Variants in COMMD10 observed in about 807,000 individuals in gnomAD.
COMMD10 encodes the protein COMM domain containing 10.
COMMD10 carries 33 observed loss-of-function variants against 28.9 expected under a neutral mutation model. That is an observed-to-expected ratio of 1.14 (90% CI 0.87 to 1.53). COMMD10 has a LOEUF of 1.53. COMMD10 is among the 40% of genes most tolerant of loss of function. COMMD10 has a pLI of 0.00. For missense variants in COMMD10, 310 were observed against 233.4 expected (o/e 1.33, Z -2.14); for synonymous variants, 110 against 81.7 (o/e 1.35, Z -1.87).
chr5:116,087,445 C>T, intron 1 of COMMD10, 52 bp from the exon 2 acceptor site: 1 of 1,020,422 alleles, frequency 9.8e-7, no homozygotes, highest in Non-Finnish European at 1.6e-6. Flanking sequence ...ATAGAAAGTG[C>T]AGTTCAACTT....
At chr5:116,272,711 A>AG (rs1750792426) in intron 5 of COMMD10, among the ~76,000 whole-genome samples, 2 of 151,720 alleles carry the variant, frequency 1.3e-5, no homozygotes, top group Admixed American at 1.3e-4. Flanking sequence ...TTTCATTGAA[A>AG]GCTCTGTTCT....
intron 5 of COMMD10, among the ~76,000 whole-genome samples, chr5:116,159,487 CTCTTTATCCAAGT>C (rs1031562929): frequency 2.1e-4 from 32 of 152,340 alleles, no homozygotes; most frequent in African/African-American, 7.7e-4. Flanking sequence ...CCTCCTGTCA[CTCTTTATCCAAGT>C]TCTGAGCTAG....
At chr5:116,265,059 C>T (rs1032008201) in intron 5 of COMMD10, among the ~76,000 whole-genome samples, 1 of 151,736 alleles carries the variant, frequency 6.6e-6, no homozygotes, top group African/African-American at 2.4e-5. Flanking sequence ...TTCATAGCCT[C>T]ATTCTATTAC....
At chr5:116,155,215 T>C (rs192207988) in intron 5 of COMMD10, among the ~76,000 whole-genome samples, 1 of 152,290 alleles carries the variant, frequency 6.6e-6, no homozygotes, top group African/African-American at 2.4e-5. Context: ...TATTTAGTTA[T>C]TCTATTTCTG....
intron 5 of COMMD10, among the ~76,000 whole-genome samples, chr5:116,204,195 C>G (rs1272186815): frequency 2.6e-5 from 4 of 152,108 alleles, no homozygotes; most frequent in Non-Finnish European, 5.9e-5. Context: ...GCTATCTATC[C>G]TAAATATATA....
In COMMD10 at chr5:116,292,941, G is replaced by A. The variant is rs762035192; in HGVS notation, c.*452G>A. 7.6e-6 allele frequency: 3 copies of A among 396,420 alleles called. No homozygotes were observed. The highest frequency in any genetic ancestry group is 3.6e-5 in the East Asian group (1 of 27,884). 24.6% of individuals were successfully genotyped at this position (396,420 alleles called of 1,614,324 possible). A position where few individuals can be genotyped will look rare whatever the true frequency, so the allele number is the denominator to read the frequency against. Reference sequence around the variant, plus strand: ...GCCATATACAATCAAATACACTATGGCATTTTTATTTGAATATGATGAGTA... The same window carrying A: ...GCCATATACAATCAAATACACTATGACATTTTTATTTGAATATGATGAGTA... On this transcript the variant is annotated 3_prime_UTR_variant, in exon 7 of 7. Transcript: ENST00000274458.
chr5:116,165,751 T>A (rs900402513), intron 5 of COMMD10, among the ~76,000 whole-genome samples: 3 of 152,148 alleles, frequency 2.0e-5, no homozygotes, highest in Non-Finnish European at 2.9e-5. Flanking sequence ...AGATGGTGTC[T>A]CTTCTTATAA....
intron 5 of COMMD10, among the ~76,000 whole-genome samples, chr5:116,230,887 C>G (rs1749513269): frequency 6.6e-6 from 1 of 152,058 alleles, no homozygotes; most frequent in African/African-American, 2.4e-5. Flanking sequence ...GTAGAAACAG[C>G]TTTTCAGATA....
intron 5 of COMMD10, among the ~76,000 whole-genome samples, chr5:116,290,102 A>G (rs1476087037): frequency 6.6e-6 from 1 of 151,840 alleles, no homozygotes; most frequent in Non-Finnish European, 1.5e-5. Flanking sequence ...TTCAGCCTTC[A>G]TTCTCTCCTA....
chr5:116,273,674 A>G (rs1449119997), intron 5 of COMMD10, among the ~76,000 whole-genome samples: 1 of 151,792 alleles, frequency 6.6e-6, no homozygotes, highest in African/African-American at 2.4e-5. Flanking sequence ...CATTTCAGGC[A>G]AAGACCAATA....
At chr5:116,159,399 C>G (rs1752843762) in intron 5 of COMMD10, among the ~76,000 whole-genome samples, 1 of 152,204 alleles carries the variant, frequency 6.6e-6, no homozygotes, top group Non-Finnish European at 1.5e-5. Context: ...ATTGCTGTTT[C>G]CCTTCTGTTA....
chr5:116,166,234 A>ATTAT lies in COMMD10; in HGVS notation c.510+32058_510+32059insATTT, dbSNP rs3072991. 5.3e-5 allele frequency among the ~76,000 whole-genome samples: 8 copies of ATTAT among 152,018 alleles called. No individual in the cohort carries two copies. In the East Asian group the frequency reaches 1.6e-3, roughly 29 times the overall value. ...ATATTTTGAACCATAAGATGCAAAG[A>ATTAT]TTGTTTTTTATAAAAATGTACAATG... On this transcript the variant is annotated intron_variant, in intron 5 of 6. Coordinates refer to ENST00000274458, the MANE Select transcript of COMMD10 (RefSeq NM_016144.4).
At chr5:116,290,854 T>G (rs973633206) in intron 5 of COMMD10, among the ~76,000 whole-genome samples, 2 of 152,146 alleles carry the variant, frequency 1.3e-5, no homozygotes, top group Non-Finnish European at 2.9e-5. Context: ...TTGAGTTGGG[T>G]TTAGTTTAAT....
At chr5:116,196,213 G>C (rs1748516200) in intron 5 of COMMD10, among the ~76,000 whole-genome samples, 1 of 152,128 alleles carries the variant, frequency 6.6e-6, no homozygotes, top group African/African-American at 2.4e-5. Flanking sequence ...ACCAACGAGT[G>C]GAGACTATTA....
rs954740516 is a variant in COMMD10, at chr5:116,271,264, A to C, written c.511-20253A>C. 1.2e-4 allele frequency among the ~76,000 whole-genome samples: 17 copies of C among 144,254 alleles called. 1 individual carries two copies. The highest frequency in any genetic ancestry group is 4.1e-4 in the African/African-American group (16 of 38,764). The allele number at this position is 144,254 out of a possible 152,430, so 94.6% of individuals were successfully genotyped here. On this transcript the variant is annotated intron_variant, in intron 5 of 6. Transcript: ENST00000274458. ...GTAAAAACAATTTTTTTTCCTGTTTAAGCATTTTTATCTTTTTAAATTTTT... is the reference window on the plus strand; with the variant it reads ...GTAAAAACAATTTTTTTTCCTGTTTCAGCATTTTTATCTTTTTAAATTTTT...
At chr5:116,096,235 A>T (rs1750462760) in intron 4 of COMMD10, among the ~76,000 whole-genome samples, 1 of 151,764 alleles carries the variant, frequency 6.6e-6, no homozygotes, top group Non-Finnish European at 1.5e-5. Context: ...ATATCTATTT[A>T]TTTAGGTCTT....
intron 5 of COMMD10, among the ~76,000 whole-genome samples, chr5:116,142,116 T>C (rs952892765): frequency 1.3e-5 from 2 of 151,888 alleles, no homozygotes; most frequent in African/African-American, 4.8e-5. Flanking sequence ...TTTTATTTAG[T>C]GTTTATTCAA....
At chr5:116,100,305 C>T (rs1311523945) in intron 4 of COMMD10, among the ~76,000 whole-genome samples, 1 of 152,056 alleles carries the variant, frequency 6.6e-6, no homozygotes, top group Non-Finnish European at 1.5e-5. Flanking sequence ...GATATAATCA[C>T]ACTTGTTTGT....
intron 5 of COMMD10, among the ~76,000 whole-genome samples, chr5:116,144,365 A>G (rs892508050): frequency 4.6e-5 from 7 of 151,828 alleles, no homozygotes; most frequent in African/African-American, 1.4e-4. Flanking sequence ...GAGAGAAGAT[A>G]ATAATTCTCA....
Sources: allele counts gnomAD v4.1 joint callset (sites outside exome capture counted in the v4.1 genomes callset), GRCh38; gene constraint gnomAD v4.1.1; transcripts MANE v1.5; gene names NCBI Gene and HGNC (gene_info 2026-07-23, HGNC 2026-07-21).